ATXN7L1: variants seen among roughly 807,000 people sequenced by gnomAD.
ATXN7L1 encodes ataxin-7-like protein 1.
A neutral mutation model predicts 70.8 loss-of-function variants in ATXN7L1; 15 were observed. The observed-to-expected ratio is 0.21, with a 90% confidence interval of 0.14 to 0.33. The LOEUF is 0.33. Among genes scored for constraint, ATXN7L1 ranks in the 10% least tolerant of loss-of-function variants. The pLI is 1.00. For missense variants in ATXN7L1, 975 were observed against 1,097.1 expected (o/e 0.89, Z 1.57); for synonymous variants, 440 against 445.1 (o/e 0.99, Z 0.14).
chr7:105,621,945 T>G (rs938859753), intron 8 of ATXN7L1, among the ~76,000 whole-genome samples: 2 of 152,226 alleles, frequency 1.3e-5, no homozygotes, highest in African/African-American at 2.4e-5. Context: ...GTACTGCTGA[T>G]GAAAAACACT....
chr7:105,641,820 C>T (rs551334167), intron 5 of ATXN7L1, among the ~76,000 whole-genome samples: 58 of 152,320 alleles, frequency 3.8e-4, no homozygotes, highest in Admixed American at 7.8e-4. Flanking sequence ...CTGCTTTATC[C>T]GAATGCTTTG....
rs2116260736 is a variant in ATXN7L1, at chr7:105,708,665, G to C, written c.356-43377C>G. 2.6e-5 allele frequency among the ~76,000 whole-genome samples: 4 copies of C among 151,762 alleles called. No individual in the cohort carries two copies. In the Middle Eastern group the frequency reaches 0.01, roughly 387 times the overall value. On this transcript the variant is annotated intron_variant, in intron 3 of 11. Transcript: ENST00000419735. ...TTCCTTTCAAATAAGTTCTGTTATA[G>C]AAAGTAGTTATCATCTGTTTGTATA...
At chr7:105,690,275 G>A (rs959259097) in intron 3 of ATXN7L1, among the ~76,000 whole-genome samples, 12 of 152,170 alleles carry the variant, frequency 7.9e-5, no homozygotes, top group African/African-American at 2.9e-4. Context: ...AAAGTGCTGG[G>A]ATTACAGGCA....
At chr7:105,701,614 C>T (rs1254527306) in intron 3 of ATXN7L1, among the ~76,000 whole-genome samples, 7 of 152,172 alleles carry the variant, frequency 4.6e-5, no homozygotes, top group Non-Finnish European at 1.0e-4. Context: ...CCTATTTGCA[C>T]CCCATCCCAT....
chr7:105,754,261 A>G (rs1799536165), intron 3 of ATXN7L1, among the ~76,000 whole-genome samples: 1 of 152,106 alleles, frequency 6.6e-6, no homozygotes, highest in Non-Finnish European at 1.5e-5. Flanking sequence ...GGGGAAGGAC[A>G]TCCCTGGCAG....
At chr7:105,810,602 G>A (rs537090567) in intron 2 of ATXN7L1, among the ~76,000 whole-genome samples, 5 of 152,306 alleles carry the variant, frequency 3.3e-5, no homozygotes, top group African/African-American at 1.2e-4. Context: ...ATGGTGTTCC[G>A]CACAGAGGGA....
chr7:105,751,497 A>T (rs1799211460), intron 3 of ATXN7L1, among the ~76,000 whole-genome samples: 1 of 152,054 alleles, frequency 6.6e-6, no homozygotes, highest in South Asian at 2.1e-4. Context: ...TTAGCTGGGC[A>T]TGGTGGTGCA....
intron 3 of ATXN7L1, among the ~76,000 whole-genome samples, chr7:105,778,249 G>A (rs1055486817): frequency 6.6e-6 from 1 of 151,352 alleles, no homozygotes; most frequent in Admixed American, 6.6e-5. Context: ...GCTCATACCT[G>A]TAGTCCCAGA....
chr7:105,804,732 C>A (rs1807312290), intron 2 of ATXN7L1, among the ~76,000 whole-genome samples: 1 of 152,178 alleles, frequency 6.6e-6, no homozygotes, highest in African/African-American at 2.4e-5. Context: ...TTGATTGTTT[C>A]ATTGAATCCT....
intron 2 of ATXN7L1, among the ~76,000 whole-genome samples, chr7:105,850,488 G>T (rs1814713882): frequency 6.6e-6 from 1 of 152,208 alleles, no homozygotes; most frequent in South Asian, 2.1e-4. Context: ...CTTCAACTTT[G>T]CCAACAACCC....
chr7:105,666,964 T>C (rs140153626), intron 3 of ATXN7L1, among the ~76,000 whole-genome samples: 163 of 152,314 alleles, frequency 1.1e-3, no homozygotes, highest in Middle Eastern at 3.4e-3. Context: ...AGTGGGTCCC[T>C]AGATGGCTTC....
chr7:105,655,519 G>A (rs952668281), intron 4 of ATXN7L1, among the ~76,000 whole-genome samples: 2 of 152,170 alleles, frequency 1.3e-5, no homozygotes, highest in African/African-American at 4.8e-5. Context: ...ATCCTGCTGA[G>A]GAATGCAGGG....
intron 3 of ATXN7L1, among the ~76,000 whole-genome samples, chr7:105,729,574 C>T (rs1451524302): frequency 1.3e-5 from 2 of 151,568 alleles, no homozygotes; most frequent in African/African-American, 2.4e-5. Flanking sequence ...GGATTACAGA[C>T]CTGTGCCACT....
Position 105,665,068 on chromosome 7 carries a change from T to C in ATXN7L1, c.576A>G (p.Pro192=). The change falls in exon 4 of 12, where the codon CCA becomes CCG. Residue 192 remains proline, a splice_region_variant and synonymous_variant. Transcript: ENST00000419735. ...TGGCTGCCAGCCAGCTGACTCACCA[T>C]GGTTTATCCCTTGATCCTTTCGCAG... is the stretch of plus-strand genomic sequence containing the variant. ...VFPAKGSRDK[P]CVPVPVVSLE... 3.2e-6 allele frequency: 5 copies of C among 1,550,160 alleles called. No individual in the cohort carries two copies. The highest frequency in any genetic ancestry group is 4.4e-6 in the Non-Finnish European group (5 of 1,146,550).
chr7:105,806,180 CT>C (rs1432962909), intron 2 of ATXN7L1, among the ~76,000 whole-genome samples: 2 of 152,050 alleles, frequency 1.3e-5, no homozygotes, highest in Admixed American at 6.5e-5. Flanking sequence ...CTGCGTCCCC[CT>C]GGATTCATGT....
At chr7:105,846,483 T>G (rs1814062192) in intron 2 of ATXN7L1, among the ~76,000 whole-genome samples, 1 of 152,146 alleles carries the variant, frequency 6.6e-6, no homozygotes, top group East Asian at 1.9e-4. Context: ...TTGGTAAGGA[T>G]ATAGAGAAAT....
chr7:105,683,242 G>A (rs1053061247), intron 3 of ATXN7L1, among the ~76,000 whole-genome samples: 1 of 152,182 alleles, frequency 6.6e-6, no homozygotes, highest in African/African-American at 2.4e-5. Context: ...TGTACATACA[G>A]ATTTTTCTGA....
At chr7:105,811,027 G>A (rs944564265) in intron 2 of ATXN7L1, among the ~76,000 whole-genome samples, 1 of 152,180 alleles carries the variant, frequency 6.6e-6, no homozygotes, top group Non-Finnish European at 1.5e-5. Context: ...ACCTAGAAAG[G>A]CCACAGATGA....
At chr7:105,737,642 C>T (rs538833091) in intron 3 of ATXN7L1, among the ~76,000 whole-genome samples, 2 of 152,088 alleles carry the variant, frequency 1.3e-5, no homozygotes, top group South Asian at 2.1e-4. Context: ...CCACCCTCTC[C>T]TCCTTGTGTC....
Sources: gnomAD v4.1 joint callset for allele counts (sites outside exome capture counted in the v4.1 genomes callset) on GRCh38, gnomAD v4.1.1 for gene constraint, MANE v1.5 for transcripts, NCBI Gene and HGNC (gene_info 2026-07-23, HGNC 2026-07-21) for gene names.